BRD7: variants seen among roughly 807,000 people sequenced by gnomAD.
BRD7 encodes bromodomain-containing protein 7.
A neutral mutation model predicts 82.1 loss-of-function variants in BRD7; 15 were observed. The observed-to-expected ratio is 0.18, with a 90% CI of 0.12 to 0.28. BRD7 has a LOEUF of 0.28. Ranked by LOEUF, BRD7 falls within the 10% of genes least tolerant of loss-of-function variation. The pLI is 1.00. For synonymous variants in BRD7, 232 were observed against 266.9 expected (o/e 0.87, Z 1.27); for missense variants, 638 against 779.9 (o/e 0.82, Z 2.17).
chr16:50,368,672 A>G, intron 1 of BRD7, 54 bp downstream of exon 1: 1 of 1,489,012 alleles, frequency 6.7e-7, no homozygotes, highest in Non-Finnish European at 9.0e-7. Flanking sequence ...GAAAGAGCGG[A>G]AGCCCGGCAG....
chr16:50,368,364 T>TAAGGATGCAGAGCGCC, intron 1 of BRD7, 66 bp from the exon 2 acceptor site: 1 of 1,524,336 alleles, frequency 6.6e-7, no homozygotes, highest in Middle Eastern at 1.8e-4. Context: ...CAGGGAGTGC[T>TAAGGATGCAGAGCGCC]AAGGATGCAG....
chr16:50,360,722 G>C (rs1186892292), intron 2 of BRD7, among the ~76,000 whole-genome samples: 1 of 152,200 alleles, frequency 6.6e-6, no homozygotes, highest in Non-Finnish European at 1.5e-5. Context: ...GCCTAGTACA[G>C]TCTGGCCAGA....
intron 2 of BRD7, chr16:50,361,874 G>A (rs2038948819): frequency 6.7e-6 from 1 of 149,652 alleles, no homozygotes; most frequent in African/African-American, 2.6e-5. Context: ...CTGGTGTGTG[G>A]GCTTCCTGAC....
rs1462936782 is a variant in BRD7 at position 50,318,978 on chromosome 16, T to C, written c.*233A>G. 2.2e-6 allele frequency: 1 copy of C among 451,088 alleles called. No homozygotes were observed. Among genetic ancestry groups the C allele is most frequent in the Non-Finnish European group, 4.0e-6 (1 of 250,732 alleles). 27.9% of individuals were successfully genotyped at this position (451,088 alleles called of 1,614,324 possible). The stretch of plus-strand genomic sequence containing the variant: ...AAGGAAGAAGCATTGGAAGGCACTA[T>C]TTTGAAAGAATGCTGCACAGGTATG... On this transcript the variant is annotated 3_prime_UTR_variant, in exon 17 of 17. Coordinates refer to ENST00000394688, the MANE Select transcript of BRD7 (RefSeq NM_013263.5).
chr16:50,321,475 G>A (rs964516183), intron 13 of BRD7, among the ~76,000 whole-genome samples: 8 of 138,448 alleles, frequency 5.8e-5, no homozygotes, highest in African/African-American at 1.6e-4. Flanking sequence ...GCAGAGGCAA[G>A]AGAACTGCTT....
chr16:50,361,225 A>G (rs2038922232), intron 2 of BRD7, among the ~76,000 whole-genome samples: 1 of 152,222 alleles, frequency 6.6e-6, no homozygotes, highest in African/African-American at 2.4e-5. Context: ...TGTTGGACTT[A>G]GTATAGATAG....
chr16:50,368,519 A>G, intron 1 of BRD7: 1 of 725,864 alleles, frequency 1.4e-6, no homozygotes, highest in Non-Finnish European at 2.1e-6. Flanking sequence ...TCTCCCCACC[A>G]GAGACCCACC....
rs2036963611 is a variant in BRD7, at chr16:50,319,332, A to AAGTC, written c.1901-70_1901-67dup. ...CCTTTTAATTAAAAAGGGGACATGAAAGTCAAGCTGCCATCCAGAAGCATA... is the reference window on the plus strand; with the variant it reads ...CCTTTTAATTAAAAAGGGGACATGAAAGTCAGTCAAGCTGCCATCCAGAAGCATA... On this transcript the variant is annotated intron_variant, in intron 16 of 16. Transcript: ENST00000394688. The AAGTC allele has an allele frequency of 3.3e-6, 5 of 1,508,836 alleles. No individual in the cohort carries two copies. In the South Asian group the frequency reaches 5.8e-5, roughly 18 times the overall value. 93.5% of individuals were successfully genotyped at this position (1,508,836 alleles called of 1,614,324 possible). A position where few individuals can be genotyped will look rare whatever the true frequency, so the allele number is the denominator to read the frequency against.
chr16:50,351,015 T>C (rs1165279859), intron 4 of BRD7, among the ~76,000 whole-genome samples: 1 of 152,220 alleles, frequency 6.6e-6, no homozygotes, highest in Non-Finnish European at 1.5e-5. Flanking sequence ...GTGCTTTATA[T>C]GATTAAATCA....
At chr16:50,328,586 C>T in intron 9 of BRD7, 83 bp downstream of exon 9, 2 of 1,193,990 alleles carry the variant, frequency 1.7e-6, no homozygotes, top group East Asian at 4.7e-5. Flanking sequence ...AATATTCAAG[C>T]TTGTTGCTTT....
At chr16:50,338,683 A>G (rs2037919700) in intron 6 of BRD7, among the ~76,000 whole-genome samples, 1 of 151,854 alleles carries the variant, frequency 6.6e-6, no homozygotes, top group East Asian at 1.9e-4. Flanking sequence ...TCTCTACTCT[A>G]CCTCTTATCT....
At chr16:50,368,414 T>C in intron 1 of BRD7, 116 bp from the exon 2 acceptor site, 5 of 1,127,396 alleles carry the variant, frequency 4.4e-6, no homozygotes, top group East Asian at 2.5e-5. Context: ...CTTTGGGCGC[T>C]CCGCGAAGCA....
intron 5 of BRD7, chr16:50,349,403 A>G (rs888962589): frequency 2.8e-6 from 1 of 353,970 alleles, no homozygotes; most frequent in Non-Finnish European, 5.5e-6. Flanking sequence ...AAAAAAAAAA[A>G]TTAAAAAAAT....
intron 2 of BRD7, among the ~76,000 whole-genome samples, chr16:50,359,623 C>T (rs2038865763): frequency 1.3e-5 from 2 of 151,740 alleles, no homozygotes; most frequent in Non-Finnish European, 1.5e-5. Flanking sequence ...TTAAATAACT[C>T]ATTAAAAAAA....
Position 50,318,917 on chromosome 16 carries a change from G to T in BRD7, c.*294C>A. ...ATCTCACTGGATGGGGCCGTTTTAA[G>T]AACGCTTCTTAGTGATGATCCTGTC... On this transcript the variant is annotated 3_prime_UTR_variant, in exon 17 of 17. Coordinates refer to ENST00000394688, the MANE Select transcript of BRD7 (RefSeq NM_013263.5). 6 of 285,336 alleles carry T rather than the reference G, an allele frequency of 2.1e-5. No individual in the cohort carries two copies. Among genetic ancestry groups the T allele is most frequent in the East Asian group, 6.2e-5 (1 of 16,030 alleles). 17.7% of individuals were successfully genotyped at this position (285,336 alleles called of 1,614,324 possible). A position where few individuals can be genotyped will look rare whatever the true frequency, so the allele number is the denominator to read the frequency against.
At chr16:50,329,775 A>T (rs191539981) in intron 8 of BRD7, among the ~76,000 whole-genome samples, 1 of 152,380 alleles carries the variant, frequency 6.6e-6, no homozygotes, top group African/African-American at 2.4e-5. Context: ...CAAAAGTAAA[A>T]CAACCTGAGT....
intron 10 of BRD7, 34 bp downstream of exon 10, chr16:50,326,245 CAGAGA>C: frequency 1.3e-6 from 2 of 1,544,812 alleles, no homozygotes; most frequent in Non-Finnish European, 1.8e-6. Flanking sequence ...TATCCCAAAA[CAGAGA>C]AGAGAAAAAA....
At chr16:50,320,419 C>T in intron 14 of BRD7, 28 bp from the exon 15 acceptor site, 1 of 1,606,958 alleles carries the variant, frequency 6.2e-7, no homozygotes, top group Non-Finnish European at 8.5e-7. Context: ...AGACACACTT[C>T]TGTTTGATCT....
chr16:50,355,833 T>C (rs1362205575), intron 2 of BRD7, among the ~76,000 whole-genome samples: 2 of 152,220 alleles, frequency 1.3e-5, no homozygotes, highest in East Asian at 3.8e-4. Context: ...ATAAATTTGA[T>C]ATTAAGTTGA....
Sources: gnomAD v4.1 joint callset for allele counts (sites outside exome capture counted in the v4.1 genomes callset) on GRCh38, gnomAD v4.1.1 for gene constraint, MANE v1.5 for transcripts, NCBI Gene and HGNC (gene_info 2026-07-23, HGNC 2026-07-21) for gene names.